POMT2: variants seen among roughly 807,000 people sequenced by gnomAD.
POMT2 encodes protein O-mannosyltransferase 2.
A neutral mutation model predicts 100.0 loss-of-function variants in POMT2; 75 were observed. The observed-to-expected ratio is 0.75, with a 90% confidence interval of 0.62 to 0.91. POMT2 has a LOEUF of 0.91. POMT2 is among the 40% of genes least tolerant of loss of function. The pLI is 0.00. For synonymous variants in POMT2, 378 were observed against 374.1 expected (o/e 1.01, Z -0.12); for missense variants, 940 against 955.1 (o/e 0.98, Z 0.21).
intron 2 of POMT2, among the ~76,000 whole-genome samples, chr14:77,310,379 T>C (rs1458271902): frequency 2.0e-5 from 3 of 152,166 alleles, no homozygotes; most frequent in South Asian, 4.1e-4. Context: ...CTTTATAAGG[T>C]TGTTCTGAGG....
In POMT2 at chr14:77,278,417, G is replaced by A. The variant is rs1438021280; in HGVS notation, c.2124C>T (p.Ser708=). ...ARGIHVAGIL[S]LLLGTAYSFY... ...ACCTGTAGGCAGTTCCCAGGAGCAG[G>A]CTCAGGATTCCCGCCACATGTATGC... The change falls in exon 20 of 21, where the codon AGC becomes AGT. Residue 708 remains serine, a synonymous_variant. Transcript: ENST00000261534. The A allele has an allele frequency of 1.4e-6, 2 of 1,477,246 alleles. No individual in the cohort carries two copies. Among genetic ancestry groups the A allele is most frequent in the East Asian group, 2.5e-5 (1 of 40,622 alleles). 91.5% of individuals were successfully genotyped at this position (1,477,246 alleles called of 1,614,324 possible).
At position 77,296,361 on chromosome 14, in the gene POMT2, T is replaced by C. The variant is rs74065604; in HGVS notation, c.1007-88A>G. The C allele has an allele frequency of 4.1e-3, 3,632 of 882,056 alleles. 90 individuals carry two copies. The African/African-American group carries it at 0.053, about 13-fold the overall frequency. The allele number at this position is 882,056 out of a possible 1,614,324, so 54.6% of individuals were successfully genotyped here. On this transcript the variant is annotated intron_variant, in intron 8 of 20. Coordinates refer to ENST00000261534, the MANE Select transcript of POMT2 (RefSeq NM_013382.7). ...CGAGGAGCCTCGGAAGCCACAGGGC[T>C]CACTAACCCTCTGCGAGACTCCCCT...
At chr14:77,309,190 T>C (rs1891348951) in intron 2 of POMT2, among the ~76,000 whole-genome samples, 2 of 152,244 alleles carry the variant, frequency 1.3e-5, no homozygotes, top group Admixed American at 1.3e-4. Context: ...AAAGAATTCC[T>C]AGAGGAATGT....
intron 1 of POMT2, 185 bp from the exon 2 acceptor site, chr14:77,312,218 G>T (rs1196615343): frequency 1.0e-6 from 1 of 995,616 alleles, no homozygotes; most frequent in Non-Finnish European, 1.4e-6. Context: ...CTGGCCACTG[G>T]TCTTCATTTA....
In POMT2 at chr14:77,306,256, G is replaced by A. The variant is rs3815627; in HGVS notation, c.438+81C>T. ...TCCCTTTATTTGCACCTGCCACCAC[G>A]CCAGGGCTGCTAACTATAACATTTC... On this transcript the variant is annotated intron_variant, in intron 3 of 20. Transcript: ENST00000261534. The A allele has an allele frequency of 0.068, 107,622 of 1,585,666 alleles. 4,012 individuals are homozygous for A. Among genetic ancestry groups the A allele is most frequent in the South Asian group, 0.082 (7,287 of 89,182 alleles).
chr14:77,320,359 T>C, intron 1 of POMT2, 75 bp downstream of exon 1: 1 of 1,539,476 alleles, frequency 6.5e-7, no homozygotes, highest in Non-Finnish European at 8.7e-7. Flanking sequence ...GCCCCCTCCG[T>C]ACCCTCGGGC....
At position 77,302,771 on chromosome 14, in the gene POMT2, A is replaced by G. The variant is rs1009420012; in HGVS notation, c.656+64T>C. The G allele has an allele frequency of 1.0e-5, 14 of 1,379,362 alleles. No individual in the cohort carries two copies. The Admixed American group carries it at 1.3e-4, about 12-fold the overall frequency. The allele number at this position is 1,379,362 out of a possible 1,614,324, so 85.4% of individuals were successfully genotyped here. ...CTGGGCACCCGCCCTGGCCCTGGCC[A>G]TTACAGAAATTTTGGAGTTGCCACA... On this transcript the variant is annotated intron_variant, in intron 5 of 20. Coordinates refer to ENST00000261534, the MANE Select transcript of POMT2 (RefSeq NM_013382.7).
rs373944477 is a variant in POMT2, at chr14:77,320,438, T to C, written c.244A>G (p.Ile82Val). Residue 82 changes from isoleucine (I) to valine (V), a missense_variant, in exon 1 of 21, where the codon ATC becomes GTC. Physicochemically the swap from Ile to Val is conservative, Grantham distance 29. Coordinates refer to ENST00000261534, the MANE Select transcript of POMT2 (RefSeq NM_013382.7). Reference sequence around the variant, plus strand: ...CGAGTCCCTCCCATCACTCACCAGATGTGCGGCGGCTCGTCCAAGCGGTGG... The same window carrying C: ...CGAGTCCCTCCCATCACTCACCAGACGTGCGGCGGCTCGTCCAAGCGGTGG... ...RFHRLDEPPH[I>V]CWDETHFGKM... 3 of 1,546,572 alleles carry C rather than the reference T, an allele frequency of 1.9e-6. No individual in the cohort carries two copies. The highest frequency in any genetic ancestry group is 2.6e-6 in the Non-Finnish European group (3 of 1,146,856).
rs767137783 is a variant in POMT2 at position 77,284,952 on chromosome 14, T to C, written c.1574A>G (p.Lys525Arg). The change falls in exon 14 of 21, where the codon AAG (lysine) becomes AGG (arginine). Residue 525 changes from lysine to arginine, a missense_variant and splice_region_variant. Physicochemically the swap from Lys to Arg is conservative, Grantham distance 26. Coordinates refer to ENST00000261534, the MANE Select transcript of POMT2 (RefSeq NM_013382.7). ...IWNVEDHINP[K>R]LPNISLDVLQ... ...GCCCAGAAAGTGACCTCACTCACAC[T>C]TGGGATTGATATGGTCCTCCACATT... 10 of 1,604,632 alleles carry C rather than the reference T, an allele frequency of 6.2e-6. No individual in the cohort carries two copies. The African/African-American group carries it at 1.2e-4, about 19-fold the overall frequency.
intron 1 of POMT2, chr14:77,312,363 G>A (rs1403380985): frequency 1.5e-5 from 4 of 267,944 alleles, no homozygotes; most frequent in Non-Finnish European, 2.9e-5. Context: ...GGAAAGGTTT[G>A]TAGTAAGAGT....
intron 5 of POMT2, 94 bp downstream of exon 5, chr14:77,302,741 A>G: frequency 1.5e-5 from 15 of 974,996 alleles, no homozygotes; most frequent in Non-Finnish European, 2.4e-5. Context: ...CTTCAAGACA[A>G]GTCTCTGGGC....
intron 9 of POMT2, chr14:77,291,593 C>G (rs935861354): frequency 7.7e-6 from 5 of 653,234 alleles, no homozygotes; most frequent in Non-Finnish European, 1.3e-5. Flanking sequence ...CATTTAGAAG[C>G]TTTGTCCCAC....
At chr14:77,298,541 G>C in intron 8 of POMT2, 148 bp downstream of exon 8, 1 of 833,492 alleles carries the variant, frequency 1.2e-6, no homozygotes, top group South Asian at 1.4e-5. Context: ...ATTCACTCTC[G>C]AGTATTTTCA....
chr14:77,306,519 T>C, intron 2 of POMT2, 78 bp from the exon 3 acceptor site: 1 of 1,536,506 alleles, frequency 6.5e-7, no homozygotes. Context: ...TCCCTCCAGC[T>C]GCACCCACAG....
intron 4 of POMT2, 136 bp downstream of exon 4, chr14:77,304,556 G>A: frequency 7.2e-7 from 1 of 1,389,712 alleles, no homozygotes; most frequent in Non-Finnish European, 9.8e-7. Flanking sequence ...AATGAGATTT[G>A]TAGTACATTT....
Position 77,301,071 on chromosome 14 carries a change from C to T in POMT2, c.816+19G>A. On this transcript the variant is annotated intron_variant, in intron 6 of 20. Coordinates refer to ENST00000261534, the MANE Select transcript of POMT2 (RefSeq NM_013382.7). ...TCAGGGAGCAAAAACATTTCCACAG[C>T]AAACCCTTGGGTGCTCACCAATGAA... The T allele has an allele frequency of 6.2e-7, 1 of 1,613,874 alleles. No homozygotes were observed. Among genetic ancestry groups the T allele is most frequent in the Non-Finnish European group, 8.5e-7 (1 of 1,179,862 alleles).
rs1484225371 is a variant in POMT2, at chr14:77,320,447, G to T, written c.235C>A (p.Pro79Thr). 1 of 1,546,380 alleles carries T rather than the reference G, an allele frequency of 6.5e-7. No homozygotes were observed. The part of the protein sequence containing the change: ...FATRFHRLDE[P>T]PHICWDETHF... Reference sequence around the variant, plus strand: ...CCCATCACTCACCAGATGTGCGGCGGCTCGTCCAAGCGGTGGAAGCGGGTG... The same window carrying T: ...CCCATCACTCACCAGATGTGCGGCGTCTCGTCCAAGCGGTGGAAGCGGGTG... Residue 79 changes from proline to threonine, a missense_variant, in exon 1 of 21, where the codon CCG becomes ACG. Physicochemically the swap from Pro to Thr is conservative, Grantham distance 38. Coordinates refer to ENST00000261534, the MANE Select transcript of POMT2 (RefSeq NM_013382.7).
At chr14:77,320,333 T>C in intron 1 of POMT2, 101 bp downstream of exon 1, 1 of 1,531,100 alleles carries the variant, frequency 6.5e-7, no homozygotes, top group East Asian at 2.5e-5. Context: ...ACCGTGGCCC[T>C]CCTCCTATAG....
intron 3 of POMT2, 81 bp downstream of exon 3, chr14:77,306,256 G>T (rs3815627): frequency 1.9e-6 from 3 of 1,585,908 alleles, no homozygotes; most frequent in African/African-American, 2.7e-5. Flanking sequence ...CTGCCACCAC[G>T]CCAGGGCTGC....
Sources: allele counts gnomAD v4.1 joint callset (sites outside exome capture counted in the v4.1 genomes callset), GRCh38; gene constraint gnomAD v4.1.1; transcripts MANE v1.5; gene names NCBI Gene and HGNC (gene_info 2026-07-23, HGNC 2026-07-21).